ETV6: variants seen among roughly 807,000 people sequenced by gnomAD.
ETV6 encodes ETS variant transcription factor 6.
In ETV6, 16 loss-of-function variants were observed where a neutral mutation model predicts 51.1. The observed-to-expected ratio is 0.31, with a 90% CI of 0.21 to 0.48. ETV6 has a LOEUF of 0.48. ETV6 is among the 20% of genes least tolerant of loss of function. The pLI, the probability that ETV6 is intolerant of heterozygous loss-of-function variation, is 0.99. For synonymous variants in ETV6, 240 were observed against 224.1 expected, an observed-to-expected ratio of 1.07 and a Z score of -0.64; for missense variants, 458 against 594.8, an observed-to-expected ratio of 0.77 and a Z score of 2.39.
At chr12:11,794,661 G>C (rs1428275728) in intron 2 of ETV6, among the ~76,000 whole-genome samples, 3 of 152,134 alleles carry the variant, frequency 2.0e-5, no homozygotes, top group African/African-American at 7.2e-5. Flanking sequence ...TACTCTATCA[G>C]TGCCCATTTT....
chr12:11,824,795 G>C (rs1184699912), intron 2 of ETV6, among the ~76,000 whole-genome samples: 2 of 152,084 alleles, frequency 1.3e-5, no homozygotes, highest in Admixed American at 6.6e-5. Flanking sequence ...AAAAGAAAAG[G>C]ATGGGGCAGC....
intron 1 of ETV6, among the ~76,000 whole-genome samples, chr12:11,661,167 CTT>C (rs1350140280): frequency 6.6e-6 from 1 of 151,906 alleles, no homozygotes; most frequent in Non-Finnish European, 1.5e-5. Context: ...TTTTAAAAAA[CTT>C]TTTGTGGAGA....
intron 1 of ETV6, among the ~76,000 whole-genome samples, chr12:11,699,481 C>T (rs948975075): frequency 6.6e-6 from 1 of 151,962 alleles, no homozygotes; most frequent in Non-Finnish European, 1.5e-5. Context: ...GAGGGATGTA[C>T]AAGATTTAAT....
At chr12:11,705,140 G>A (rs1287073682) in intron 1 of ETV6, among the ~76,000 whole-genome samples, 1 of 152,166 alleles carries the variant, frequency 6.6e-6, no homozygotes, top group Non-Finnish European at 1.5e-5. Flanking sequence ...AGTTAACAAG[G>A]CCTTTTGGTT....
At chr12:11,662,061 A>C (rs1184349367) in intron 1 of ETV6, among the ~76,000 whole-genome samples, 1 of 152,176 alleles carries the variant, frequency 6.6e-6, no homozygotes, top group Non-Finnish European at 1.5e-5. Flanking sequence ...TAACATCTCA[A>C]GTAGGGCACC....
At chr12:11,863,949 GA>G (rs1205802461) in intron 4 of ETV6, among the ~76,000 whole-genome samples, 1 of 152,144 alleles carries the variant, frequency 6.6e-6, no homozygotes, top group Non-Finnish European at 1.5e-5. Flanking sequence ...AATACCCTCG[GA>G]TCCAGTTCTC....
At chr12:11,808,431 G>GAAAAACA (rs1332955282) in intron 2 of ETV6, among the ~76,000 whole-genome samples, 1 of 131,432 alleles carries the variant, frequency 7.6e-6, no homozygotes, top group East Asian at 2.2e-4. Flanking sequence ...AAAATATTCA[G>GAAAAACA]AAAAACAAAA....
At chr12:11,682,234 T>C (rs1864543972) in intron 1 of ETV6, among the ~76,000 whole-genome samples, 1 of 152,204 alleles carries the variant, frequency 6.6e-6, no homozygotes, top group Non-Finnish European at 1.5e-5. Flanking sequence ...ATCTTTTGTT[T>C]CCTGACTTTT....
chr12:11,845,991 CA>C lies in ETV6; in HGVS notation c.328+6701del, dbSNP rs60730342. Among the ~76,000 whole-genome samples the C allele has an allele frequency of 7.7e-3, 911 of 117,944 alleles. 8 individuals are homozygous for C. Among genetic ancestry groups the C allele is most frequent in the African/African-American group, 0.023 (714 of 31,160 alleles). 77.4% of individuals were successfully genotyped at this position (117,944 alleles called of 152,430 possible). On this transcript the variant is annotated intron_variant, in intron 3 of 7. Coordinates refer to ENST00000396373, the MANE Select transcript of ETV6 (RefSeq NM_001987.5). ...TGGGCAACAGAGTGAGACTCCGTCT[CA>C]AAAAAAAAAAAAAGAAAAAAGAAAC...
intron 2 of ETV6, among the ~76,000 whole-genome samples, chr12:11,754,827 G>T (rs1446798150): frequency 6.6e-6 from 1 of 152,218 alleles, no homozygotes; most frequent in Admixed American, 6.5e-5. Context: ...TTTATCACGG[G>T]ATTACCCTGT....
rs1374818072 is a variant in ETV6 at position 11,841,581 on chromosome 12, CAGTT to C, written c.328+2280_328+2283del. Among the ~76,000 whole-genome samples the C allele has an allele frequency of 7.2e-5, 11 of 152,268 alleles. No individual in the cohort carries two copies. The Middle Eastern group carries it at 0.01, about 141-fold the overall frequency. On this transcript the variant is annotated intron_variant, in intron 3 of 7. Transcript: ENST00000396373. ...AATGGATGTGAGGTGCTATATAGAT[CAGTT>C]AGGAGGTGGCAATAGAAATTCATTC...
At chr12:11,727,040 C>T (rs556907972) in intron 1 of ETV6, among the ~76,000 whole-genome samples, 1 of 152,328 alleles carries the variant, frequency 6.6e-6, no homozygotes, top group Admixed American at 6.5e-5. Context: ...GAGTCTGCAG[C>T]AATTCAGAGA....
intron 2 of ETV6, among the ~76,000 whole-genome samples, chr12:11,756,291 A>G (rs1234863832): frequency 6.6e-6 from 1 of 152,192 alleles, no homozygotes; most frequent in Non-Finnish European, 1.5e-5. Context: ...TTACCAGGAC[A>G]GTGCCCTTCA....
chr12:11,842,031 G>A (rs1223089630), intron 3 of ETV6, among the ~76,000 whole-genome samples: 10 of 146,984 alleles, frequency 6.8e-5, no homozygotes, highest in African/African-American at 1.8e-4. Context: ...GCAGTGAGCC[G>A]AGATCCCGCC....
chr12:11,750,228 A>G (rs2061788640), intron 1 of ETV6, among the ~76,000 whole-genome samples: 1 of 152,226 alleles, frequency 6.6e-6, no homozygotes, highest in Admixed American at 6.5e-5. Flanking sequence ...GCACAGTTGA[A>G]AGGAAGGTCC....
chr12:11,656,917 A>T (rs914045368), intron 1 of ETV6, among the ~76,000 whole-genome samples: 1 of 151,250 alleles, frequency 6.6e-6, no homozygotes, highest in African/African-American at 2.4e-5. Flanking sequence ...CTTTAATATT[A>T]TGTGATTTCC....
At position 11,752,549 on chromosome 12, in the gene ETV6, G is replaced by A. The variant is rs1441890339; in HGVS notation, c.133G>A (p.Glu45Lys). ...VPVPRALRME[E>K]DSIRLPAHLR... is the part of the protein sequence containing the mutation. ...AGTGCCTCGAGCGCTCAGGATGGAGGAAGACTCGATCCGCCTGCCTGCGCA... is the reference window on the plus strand; with the variant it reads ...AGTGCCTCGAGCGCTCAGGATGGAGAAAGACTCGATCCGCCTGCCTGCGCA... Residue 45 changes from glutamate (E) to lysine (K), a missense_variant, in exon 2 of 8, where the codon GAA (glutamate) becomes AAA (lysine). Glu to Lys is a moderately conservative substitution (Grantham distance 56). Transcript: ENST00000396373. The A allele has an allele frequency of 8.7e-6, 14 of 1,613,574 alleles. No homozygotes were observed. The highest frequency in any genetic ancestry group is 1.2e-5 in the Non-Finnish European group (14 of 1,179,970).
chr12:11,845,791 G>A (rs1170849114), intron 3 of ETV6, among the ~76,000 whole-genome samples: 1 of 152,074 alleles, frequency 6.6e-6, no homozygotes, highest in African/African-American at 2.4e-5. Flanking sequence ...AGGAGATCAA[G>A]ACCATCCTGG....
At chr12:11,652,690 A>G (rs2120598952) in intron 1 of ETV6, among the ~76,000 whole-genome samples, 1 of 152,290 alleles carries the variant, frequency 6.6e-6, no homozygotes, top group Non-Finnish European at 1.5e-5. Context: ...GGCTGGTGAG[A>G]TGCAGCCACA....
Sources: allele counts gnomAD v4.1 joint callset (sites outside exome capture counted in the v4.1 genomes callset), GRCh38; gene constraint gnomAD v4.1.1; transcripts MANE v1.5; gene names NCBI Gene and HGNC (gene_info 2026-07-23, HGNC 2026-07-21).